The following PTPRN2 variants were observed in gnomAD, a reference collection of about 807,000 sequenced individuals.
PTPRN2 encodes the protein receptor-type tyrosine-protein phosphatase N2.
Under a neutral mutation model 118.8 loss-of-function variants are expected in PTPRN2, and 74 were observed. That is an observed-to-expected ratio of 0.62 (90% confidence interval 0.52 to 0.76). The LOEUF is 0.76. PTPRN2 is among the 30% of genes least tolerant of loss of function. The pLI, the probability that PTPRN2 is intolerant of heterozygous loss-of-function variation, is 0.00. For missense variants in PTPRN2, 1,481 were observed against 1,394.4 expected, an observed-to-expected ratio of 1.06 and a Z score of -0.99; for synonymous variants, 641 against 608.0, an observed-to-expected ratio of 1.05 and a Z score of -0.80.
chr7:158,108,536 C>T (rs1455765269), intron 10 of PTPRN2, among the ~76,000 whole-genome samples: 1 of 152,234 alleles, frequency 6.6e-6, no homozygotes, highest in Admixed American at 6.5e-5. Context: ...TGTCCCTCCA[C>T]ATCTTTCCTG....
At chr7:157,836,611 GACACAC>G (rs57654943) in intron 12 of PTPRN2, among the ~76,000 whole-genome samples, 3 of 150,276 alleles carry the variant, frequency 2.0e-5, no homozygotes, top group East Asian at 2.0e-4. Context: ...GCAAAATAAA[GACACAC>G]ACACACACAC....
rs142100016 is a variant in PTPRN2, at chr7:157,656,459, G to T, written c.2094C>A (p.Ser698Arg). 2 of 1,554,072 alleles carry T rather than the reference G, an allele frequency of 1.3e-6. No individual in the cohort carries two copies. Among genetic ancestry groups the T allele is most frequent in the African/African-American group, 1.4e-5 (1 of 73,352 alleles). ...SRISSVSSQFSDGPIPSPSAR... is the reference protein window; with the variant it reads ...SRISSVSSQFRDGPIPSPSAR... ...CGGAGGGGCTGGGGATCGGCCCGTC[G>T]CTGAACTGGGATGAGACGCTGCTGA... is the stretch of plus-strand genomic sequence containing the variant. Residue 698 changes from serine to arginine, a missense_variant, in exon 14 of 23, where the codon AGC (serine) becomes AGA (arginine). Transcript: ENST00000389418.
At chr7:158,187,485 G>A (rs766079665) in intron 5 of PTPRN2, among the ~76,000 whole-genome samples, 8 of 152,118 alleles carry the variant, frequency 5.3e-5, no homozygotes, top group Non-Finnish European at 1.2e-4. Flanking sequence ...ATATTTACGG[G>A]GCAGCAAAAT....
chr7:157,643,730 G>T (rs557613164), intron 14 of PTPRN2, among the ~76,000 whole-genome samples: 1 of 152,346 alleles, frequency 6.6e-6, no homozygotes, highest in East Asian at 1.9e-4. Context: ...TAAAGGAGGT[G>T]GGAGCAGGCG....
chr7:157,948,872 A>G (rs1449788518), intron 11 of PTPRN2, among the ~76,000 whole-genome samples: 1 of 152,214 alleles, frequency 6.6e-6, no homozygotes, highest in Non-Finnish European at 1.5e-5. Flanking sequence ...TGTTTGAATC[A>G]TGCAGGTCCA....
chr7:158,584,991 G>A (rs752970407), intron 1 of PTPRN2, among the ~76,000 whole-genome samples: 7 of 152,198 alleles, frequency 4.6e-5, no homozygotes, highest in African/African-American at 7.2e-5. Flanking sequence ...AGGCCTCAAC[G>A]TGAAGTTGAA....
chr7:158,575,876 T>C (rs1000185723), intron 1 of PTPRN2, among the ~76,000 whole-genome samples: 2 of 152,154 alleles, frequency 1.3e-5, no homozygotes, highest in African/African-American at 4.8e-5. Context: ...GAAATTATAA[T>C]AAAAATTTAA....
At chr7:157,783,072 G>A (rs1289540850) in intron 12 of PTPRN2, among the ~76,000 whole-genome samples, 1 of 152,182 alleles carries the variant, frequency 6.6e-6, no homozygotes, top group Non-Finnish European at 1.5e-5. Flanking sequence ...TTTATCATGG[G>A]CTTTTCCCCC....
At chr7:157,976,659 G>A (rs756198792) in intron 11 of PTPRN2, among the ~76,000 whole-genome samples, 12 of 151,914 alleles carry the variant, frequency 7.9e-5, no homozygotes, top group Non-Finnish European at 1.3e-4. Flanking sequence ...TGCCTCCAGC[G>A]TCTGCCGACC....
At chr7:158,255,364 G>A (rs952478588) in intron 3 of PTPRN2, among the ~76,000 whole-genome samples, 1 of 152,178 alleles carries the variant, frequency 6.6e-6, no homozygotes, top group Non-Finnish European at 1.5e-5. Context: ...GTAGGCCCAG[G>A]GCAGGAGTCC....
intron 12 of PTPRN2, among the ~76,000 whole-genome samples, chr7:157,883,365 C>A: frequency 6.6e-6 from 1 of 151,368 alleles, no homozygotes; most frequent in African/African-American, 2.4e-5. Context: ...ACACAACACC[C>A]CAAAAATGAC....
chr7:157,825,472 A>T (rs1807112741), intron 12 of PTPRN2, among the ~76,000 whole-genome samples: 2 of 152,074 alleles, frequency 1.3e-5, no homozygotes, highest in South Asian at 4.1e-4. Context: ...AGCCACTTTT[A>T]TTTTTTATTT....
At chr7:158,129,667 C>T (rs1283282312) in intron 9 of PTPRN2, among the ~76,000 whole-genome samples, 1 of 152,196 alleles carries the variant, frequency 6.6e-6, no homozygotes, top group Non-Finnish European at 1.5e-5. Flanking sequence ...ACGTCCACAG[C>T]ACAGGGCGTT....
At position 157,964,655 on chromosome 7, in the gene PTPRN2, T is replaced by C. The variant is rs1307118423; in HGVS notation, c.1724-65918A>G. Among the ~76,000 whole-genome samples the C allele has an allele frequency of 6.6e-6, 1 of 152,212 alleles. No individual in the cohort carries two copies. Among genetic ancestry groups the C allele is most frequent in the Non-Finnish European group, 1.5e-5 (1 of 68,038 alleles). On this transcript the variant is annotated intron_variant, in intron 11 of 22. Coordinates refer to ENST00000389418, the MANE Select transcript of PTPRN2 (RefSeq NM_002847.5). This position sits in a 1 kb window ranked among gnomAD's most constrained non-coding sequence, Gnocchi z 9.0. ...CACCCTGTGATGGCCTTACTTGGCG[T>C]GTGGAGCTGTGACCACCAGGGCCAA...
chr7:158,227,803 A>G (rs1828907210), intron 3 of PTPRN2, among the ~76,000 whole-genome samples: 1 of 152,210 alleles, frequency 6.6e-6, no homozygotes, highest in Non-Finnish European at 1.5e-5. Flanking sequence ...GAAGTCAATT[A>G]AAGGGATCAG....
rs75089384 is a variant in PTPRN2 at position 158,410,339 on chromosome 7, G to A, written c.163+79396C>T. 4.5e-3 allele frequency among the ~76,000 whole-genome samples: 681 copies of A among 152,334 alleles called. 4 individuals carry two copies. The highest frequency in any genetic ancestry group is 0.016 in the African/African-American group (655 of 41,576). On this transcript the variant is annotated intron_variant, in intron 2 of 22. Transcript: ENST00000389418. Reference sequence around the variant, plus strand: ...AGATGTGGGGGAAAGGACACAGAATGAGGTCACGATGCCAGAGTCACCCTC... The same window carrying A: ...AGATGTGGGGGAAAGGACACAGAATAAGGTCACGATGCCAGAGTCACCCTC...
At chr7:157,829,782 C>T (rs192321623) in intron 12 of PTPRN2, among the ~76,000 whole-genome samples, 2 of 152,322 alleles carry the variant, frequency 1.3e-5, no homozygotes, top group Non-Finnish European at 2.9e-5. Context: ...AGCCCTGGCC[C>T]GACTCCTCAG....
intron 1 of PTPRN2, among the ~76,000 whole-genome samples, chr7:158,507,582 T>C (rs1327820860): frequency 1.4e-5 from 2 of 141,884 alleles, no homozygotes; most frequent in African/African-American, 5.4e-5. Flanking sequence ...GGCAGGAAAT[T>C]GCACACACGA....
chr7:158,433,941 C>T (rs1206656995), intron 2 of PTPRN2, among the ~76,000 whole-genome samples: 2 of 152,102 alleles, frequency 1.3e-5, no homozygotes, highest in African/African-American at 4.8e-5. Flanking sequence ...TCTTCTTTGA[C>T]AAATGGGGTA....
Sources: gnomAD v4.1 joint callset for allele counts (sites outside exome capture counted in the v4.1 genomes callset) on GRCh38, gnomAD v4.1.1 for gene constraint, Gnocchi (gnomAD v3.1) non-coding constraint, MANE v1.5 for transcripts, NCBI Gene and HGNC (gene_info 2026-07-23, HGNC 2026-07-21) for gene names.